Variants in DBX2 observed in about 807,000 individuals in gnomAD.
DBX2 encodes developing brain homeobox 2.
In DBX2, 16 loss-of-function variants were observed where a neutral mutation model predicts 17.7. The observed-to-expected ratio is 0.90, with a 90% confidence interval of 0.61 to 1.37. DBX2 has a LOEUF of 1.37. Among genes scored for constraint, DBX2 ranks in the 40% most tolerant of loss-of-function variants. The probability of loss-of-function intolerance (pLI) is 0.00; values close to 1 mark genes in which losing one functional copy is unlikely to be tolerated. For synonymous variants in DBX2, 255 were observed against 183.8 expected (o/e 1.39, Z -3.13); for missense variants, 538 against 433.8 (o/e 1.24, Z -2.13).
intron 3 of DBX2, among the ~76,000 whole-genome samples, chr12:45,017,948 C>A (rs1478324523): frequency 6.6e-6 from 1 of 152,242 alleles, no homozygotes; most frequent in Non-Finnish European, 1.5e-5. Context: ...GAAAAAAATT[C>A]TATCTAAGGC....
intron 2 of DBX2, among the ~76,000 whole-genome samples, chr12:45,030,430 A>G (rs1946403484): frequency 6.6e-6 from 1 of 152,128 alleles, no homozygotes; most frequent in Non-Finnish European, 1.5e-5. Context: ...CATTGATACC[A>G]CTCGGGGACA....
chr12:45,034,859 C>A (rs1228087390), intron 2 of DBX2, among the ~76,000 whole-genome samples: 1 of 152,212 alleles, frequency 6.6e-6, no homozygotes, highest in East Asian at 1.9e-4. Flanking sequence ...CTGACCCTTG[C>A]CCAAGCCTTT....
In DBX2 at chr12:45,023,769, T is replaced by G. The variant is rs1565581042; in HGVS notation, c.625A>C (p.Lys209Gln). 1 of 1,614,140 alleles carries G rather than the reference T, an allele frequency of 6.2e-7. No homozygotes were observed. Among genetic ancestry groups the G allele is most frequent in the African/African-American group, 1.3e-5 (1 of 75,026 alleles). Reference sequence around the variant, plus strand: ...TTTCGGTCTGTTTTGCTGATATATTTCTGTTTCTGAAACATTTTCTCCAGA... The same window carrying G: ...TTTCGGTCTGTTTTGCTGATATATTGCTGTTTCTGAAACATTTTCTCCAGA... ...KALEKMFQKQ[K>Q]YISKTDRKKL... The change falls in exon 3 of 4, where the codon AAA becomes CAA. Residue 209 changes from lysine (K) to glutamine (Q), a missense_variant. Transcript: ENST00000332700.
intron 2 of DBX2, among the ~76,000 whole-genome samples, chr12:45,031,215 TGTGTGTGTGTGAGA>T (rs1946407736): frequency 9.7e-6 from 1 of 103,440 alleles, no homozygotes; most frequent in South Asian, 3.6e-4. Context: ...TGTGTGTGTG[TGTGTGTGTGTGAGA>T]GAGAGAGAGA....
intron 2 of DBX2, among the ~76,000 whole-genome samples, chr12:45,028,499 G>A (rs74080432): frequency 0.019 from 2,945 of 151,962 alleles, 29 homozygotes; most frequent in African/African-American, 0.029. Flanking sequence ...ATAAAATAGC[G>A]GGGAAATAAA....
In DBX2 at chr12:45,031,221, TGTGTGAGAGAGA is replaced by T. The variant is rs1422522796; in HGVS notation, c.499+4786_499+4797del. On this transcript the variant is annotated intron_variant, in intron 2 of 3. Transcript: ENST00000332700. ...GTGTGTGTGTGTGTGTGTGTGTGTG[TGTGTGAGAGAGA>T]GAGAGAGAGAGAGAGAGAGAGAGAT... 1.6e-4 allele frequency among the ~76,000 whole-genome samples: 10 copies of T among 64,048 alleles called. 1 individual carries two copies. The highest frequency in any genetic ancestry group is 5.3e-4 in the Admixed American group (3 of 5,672). 42.0% of individuals were successfully genotyped at this position (64,048 alleles called of 152,430 possible). A position where few individuals can be genotyped will look rare whatever the true frequency, so the allele number is the denominator to read the frequency against.
intron 2 of DBX2, among the ~76,000 whole-genome samples, chr12:45,025,604 T>C (rs549661376): frequency 6.6e-6 from 1 of 151,018 alleles, no homozygotes; most frequent in East Asian, 2.0e-4. Context: ...GCTCACCTTC[T>C]TATGGGAGGG....
In DBX2 at chr12:45,035,753, G is replaced by A. The variant is rs79035128; in HGVS notation, c.499+266C>T. ...TCAGAAAAGCCAAACTGGTCCCTCC[G>A]AGATCTTTTATATCAAATGGAAAAC... On this transcript the variant is annotated intron_variant, in intron 2 of 3. Transcript: ENST00000332700. Among the ~76,000 whole-genome samples the A allele has an allele frequency of 6.6e-4, 101 of 152,078 alleles. 2 individuals are homozygous for A. In the East Asian group the frequency reaches 0.019, roughly 29 times the overall value.
intron 1 of DBX2, among the ~76,000 whole-genome samples, chr12:45,041,602 C>T (rs57404677): frequency 0.078 from 11,832 of 152,030 alleles, 1,046 homozygotes; most frequent in East Asian, 0.31. Flanking sequence ...AAGAGAAGCC[C>T]GCATTTTTTG....
chr12:45,037,013 G>C (rs1182762032), intron 1 of DBX2, among the ~76,000 whole-genome samples: 10 of 152,086 alleles, frequency 6.6e-5, no homozygotes. Flanking sequence ...GACCCATTTT[G>C]GTGGCCAAAA....
At chr12:45,045,025 A>G (rs1305384836) in intron 1 of DBX2, among the ~76,000 whole-genome samples, 1 of 152,176 alleles carries the variant, frequency 6.6e-6, no homozygotes, top group East Asian at 1.9e-4. Flanking sequence ...TAAGGCAAAA[A>G]TCCAATTTCT....
At chr12:45,048,077 G>A (rs1354100197) in intron 1 of DBX2, among the ~76,000 whole-genome samples, 2 of 152,174 alleles carry the variant, frequency 1.3e-5, no homozygotes, top group Non-Finnish European at 2.9e-5. Flanking sequence ...CACTCAGTAA[G>A]CATGTGCTGA....
chr12:45,036,106 T>C lies in DBX2; in HGVS notation c.412A>G (p.Lys138Glu). 6.2e-7 allele frequency: 1 copy of C among 1,611,888 alleles called. No individual in the cohort carries two copies. Among genetic ancestry groups the C allele is most frequent in the Non-Finnish European group, 8.5e-7 (1 of 1,179,254 alleles). Reference sequence around the variant, plus strand: ...GGCGGGGTGCTCAGAAGGAAAGGTTTGGAAGGTGCTGCAGAGAAAGCATTG... The same window carrying C: ...GGCGGGGTGCTCAGAAGGAAAGGTTCGGAAGGTGCTGCAGAGAAAGCATTG... The part of the protein sequence containing the change: ...TFQPSAPAPS[K>E]PFLLSTPPFY... The change falls in exon 2 of 4, where the codon AAA becomes GAA. Residue 138 changes from lysine to glutamate, a missense_variant. By Grantham distance (56) the Lys-to-Glu change is moderately conservative (BLOSUM62 1). Transcript: ENST00000332700.
chr12:45,037,058 A>ACT (rs1469736870), intron 1 of DBX2, among the ~76,000 whole-genome samples: 14 of 152,198 alleles, frequency 9.2e-5, no homozygotes, highest in African/African-American at 2.9e-4. Flanking sequence ...TCATTAGTAT[A>ACT]AGTTGTTCTA....
At chr12:45,020,908 G>A (rs1250078353) in intron 3 of DBX2, among the ~76,000 whole-genome samples, 6 of 151,966 alleles carry the variant, frequency 3.9e-5, no homozygotes, top group African/African-American at 9.7e-5. Flanking sequence ...TCAAACAAGC[G>A]CCATTTGTAA....
intron 2 of DBX2, among the ~76,000 whole-genome samples, chr12:45,030,935 T>A (rs1946405978): frequency 6.6e-6 from 1 of 152,210 alleles, no homozygotes; most frequent in Non-Finnish European, 1.5e-5. Context: ...AGAGGTCATT[T>A]GTTTAATCCA....
chr12:45,036,008 T>C lies in DBX2; in HGVS notation c.499+11A>G. On this transcript the variant is annotated intron_variant, in intron 2 of 3. Coordinates refer to ENST00000332700, the MANE Select transcript of DBX2 (RefSeq NM_001004329.3). ...TAACTGAGGCATTGCTGATGAAGGA[T>C]AAAAACTTACTTGGAAAAGCAGTGG... 6.2e-7 allele frequency: 1 copy of C among 1,610,520 alleles called. No individual in the cohort carries two copies. Among genetic ancestry groups the C allele is most frequent in the Non-Finnish European group, 8.5e-7 (1 of 1,178,618 alleles).
chr12:45,039,876 G>C (rs558959986), intron 1 of DBX2, among the ~76,000 whole-genome samples: 2 of 145,092 alleles, frequency 1.4e-5, no homozygotes, highest in African/African-American at 5.2e-5. Flanking sequence ...ATTTCCATGA[G>C]AGAGAAAAAA....
At chr12:45,048,745 G>C (rs1946513510) in intron 1 of DBX2, among the ~76,000 whole-genome samples, 1 of 151,986 alleles carries the variant, frequency 6.6e-6, no homozygotes, top group African/African-American at 2.4e-5. Flanking sequence ...TTCTTTACAA[G>C]AATAATTTGT....
Sources: gnomAD v4.1 joint callset for allele counts (sites outside exome capture counted in the v4.1 genomes callset) on GRCh38, gnomAD v4.1.1 for gene constraint, MANE v1.5 for transcripts, NCBI Gene and HGNC (gene_info 2026-07-23, HGNC 2026-07-21) for gene names.